The following ATP8B4 variants were observed in gnomAD, a reference collection of about 807,000 sequenced individuals.
The protein encoded by ATP8B4 is ATPase phospholipid transporting 8B4 (putative).
ATP8B4 carries 133 observed loss-of-function variants against 145.6 expected under a neutral mutation model. That is an observed-to-expected ratio of 0.91 (90% CI 0.79 to 1.05). The LOEUF (loss-of-function observed/expected upper bound fraction) is 1.05. Among genes scored for constraint, ATP8B4 ranks in the 50% least tolerant of loss-of-function variants. The pLI is 0.00. For missense variants in ATP8B4, 1,458 were observed against 1,425.2 expected (o/e 1.02, Z -0.37); for synonymous variants, 507 against 492.9 (o/e 1.03, Z -0.38).
At chr15:50,172,517 C>T (rs923605309) in intron 1 of ATP8B4, among the ~76,000 whole-genome samples, 9 of 152,242 alleles carry the variant, frequency 5.9e-5, no homozygotes, top group African/African-American at 2.2e-4. Context: ...CAGCCGCCTG[C>T]CTTGGCCTCC....
In ATP8B4 at chr15:49,897,188, A is replaced by G. The variant is rs1307611029; in HGVS notation, c.2697+104T>C. The G allele has an allele frequency of 7.1e-6, 8 of 1,122,606 alleles. No individual in the cohort carries two copies. In the South Asian group the frequency reaches 1.2e-4, roughly 17 times the overall value. 69.5% of individuals were successfully genotyped at this position (1,122,606 alleles called of 1,614,324 possible). ...ACTATTACTTGAATCAGCCATTAAA[A>G]AATGCTCTGAATTTATTAGTAAAGA... On this transcript the variant is annotated intron_variant, in intron 23 of 27. Coordinates refer to ENST00000284509, the MANE Select transcript of ATP8B4 (RefSeq NM_024837.4).
At chr15:50,131,489 T>G (rs1440930622) in intron 1 of ATP8B4, among the ~76,000 whole-genome samples, 51 of 152,154 alleles carry the variant, frequency 3.4e-4, no homozygotes, top group Admixed American at 3.2e-3. Flanking sequence ...TATCTCTGCC[T>G]CTCTATAATG....
At chr15:50,073,079 GTGTGTGTATATATA>G (rs1352464083) in intron 3 of ATP8B4, among the ~76,000 whole-genome samples, 1 of 146,528 alleles carries the variant, frequency 6.8e-6, no homozygotes, top group Non-Finnish European at 1.5e-5. Flanking sequence ...ATATATATGT[GTGTGTGTATATATA>G]TGTGTGTGTG....
At chr15:49,879,146 C>T (rs2034981216) in intron 24 of ATP8B4, among the ~76,000 whole-genome samples, 1 of 152,140 alleles carries the variant, frequency 6.6e-6, no homozygotes, top group African/African-American at 2.4e-5. Context: ...GGGTGTGAAC[C>T]TCTAAGAGAA....
chr15:49,978,833 T>TGTGC (rs2045915719), intron 12 of ATP8B4, among the ~76,000 whole-genome samples: 1 of 151,084 alleles, frequency 6.6e-6, no homozygotes, highest in Non-Finnish European at 1.5e-5. Context: ...TGTGTGTGTG[T>TGTGC]GTGTATGTGT....
intron 3 of ATP8B4, among the ~76,000 whole-genome samples, chr15:50,058,848 T>A (rs1173410109): frequency 6.6e-6 from 1 of 151,968 alleles, no homozygotes; most frequent in Non-Finnish European, 1.5e-5. Flanking sequence ...TTGTGGTTTT[T>A]TTTTTGTTGA....
At chr15:49,878,654 C>T (rs1039436295) in intron 24 of ATP8B4, among the ~76,000 whole-genome samples, 1 of 152,234 alleles carries the variant, frequency 6.6e-6, no homozygotes, top group African/African-American at 2.4e-5. Flanking sequence ...CCTTCCAAGG[C>T]TCTGAGTATG....
intron 15 of ATP8B4, 89 bp from the exon 16 acceptor site, chr15:49,931,396 C>T (rs2041242196): frequency 2.4e-6 from 3 of 1,256,308 alleles, no homozygotes; most frequent in Non-Finnish European, 2.2e-6. Flanking sequence ...GTATTTAACA[C>T]CCAACTCAAG....
intron 16 of ATP8B4, among the ~76,000 whole-genome samples, chr15:49,927,818 C>T (rs748636079): frequency 2.6e-5 from 4 of 152,068 alleles, no homozygotes; most frequent in East Asian, 1.9e-4. Flanking sequence ...ACACCTAGAA[C>T]GGCATGTGTG....
chr15:50,130,573 G>A (rs769882202), intron 1 of ATP8B4, among the ~76,000 whole-genome samples: 4 of 151,832 alleles, frequency 2.6e-5, no homozygotes, highest in African/African-American at 9.7e-5. Context: ...TCAGGAGATC[G>A]AGACCATCCT....
At chr15:49,998,992 A>G (rs1304954279) in intron 8 of ATP8B4, among the ~76,000 whole-genome samples, 1 of 152,156 alleles carries the variant, frequency 6.6e-6, no homozygotes, top group Non-Finnish European at 1.5e-5. Context: ...TTTATTAAAT[A>G]GGGAATCCTT....
chr15:50,064,070 TAA>T (rs2053212619), intron 3 of ATP8B4, among the ~76,000 whole-genome samples: 1 of 152,078 alleles, frequency 6.6e-6, no homozygotes, highest in African/African-American at 2.4e-5. Flanking sequence ...TAGAATTCTG[TAA>T]AGAGAGTTGA....
chr15:50,158,867 G>T (rs1024040413), intron 1 of ATP8B4, among the ~76,000 whole-genome samples: 1 of 152,176 alleles, frequency 6.6e-6, no homozygotes, highest in East Asian at 1.9e-4. Flanking sequence ...GATTAAGGGT[G>T]GTGCAAGATG....
At chr15:49,902,562 A>G (rs928540430) in intron 20 of ATP8B4, among the ~76,000 whole-genome samples, 1 of 152,236 alleles carries the variant, frequency 6.6e-6, no homozygotes, top group African/African-American at 2.4e-5. Flanking sequence ...CATATCACAC[A>G]TTTAACAATC....
intron 14 of ATP8B4, among the ~76,000 whole-genome samples, chr15:49,954,358 T>C (rs2043366439): frequency 6.6e-6 from 1 of 152,154 alleles, no homozygotes. Context: ...CTAAAGAGCT[T>C]CTGCACAGCA....
intron 1 of ATP8B4, among the ~76,000 whole-genome samples, chr15:50,142,474 A>G (rs1335106395): frequency 1.3e-5 from 2 of 151,978 alleles, no homozygotes; most frequent in South Asian, 2.1e-4. Flanking sequence ...CTCCTCCCCA[A>G]AGCAACTCTA....
chr15:50,064,255 C>G (rs1035904754), intron 3 of ATP8B4, among the ~76,000 whole-genome samples: 1 of 152,058 alleles, frequency 6.6e-6, no homozygotes, highest in Non-Finnish European at 1.5e-5. Context: ...TATAACTTAC[C>G]TAGATGACAC....
rs187043286 is a variant in ATP8B4, at chr15:50,027,969, A to T, written c.362+10799T>A. ...GCAATGTTAAGTGAGGACTTACTGT[A>T]TTCTCCATTAGAAAATACCATCAAC... On this transcript the variant is annotated intron_variant, in intron 6 of 27. Transcript: ENST00000284509. Among the ~76,000 whole-genome samples the T allele has an allele frequency of 8.8e-4, 134 of 152,334 alleles. 1 individual carries two copies. The highest frequency in any genetic ancestry group is 3.2e-3 in the African/African-American group (132 of 41,568).
chr15:50,065,228 A>G (rs537022072), intron 3 of ATP8B4, among the ~76,000 whole-genome samples: 1 of 152,244 alleles, frequency 6.6e-6, no homozygotes, highest in Admixed American at 6.5e-5. Context: ...TACAATTTTT[A>G]TTTGTCAAAA....
Sources: gnomAD v4.1 joint callset for allele counts (sites outside exome capture counted in the v4.1 genomes callset) on GRCh38, gnomAD v4.1.1 for gene constraint, MANE v1.5 for transcripts, NCBI Gene and HGNC (gene_info 2026-07-23, HGNC 2026-07-21) for gene names.